ZNF736: variants seen among roughly 807,000 people sequenced by gnomAD.
ZNF736 encodes the protein KRAB-containing zinc-finger repressor protein.
ZNF736 carries 6 observed loss-of-function variants against 11.7 expected under a neutral mutation model. The ratio of observed to expected loss-of-function variants is 0.51; its 90% CI spans 0.28 to 1.01. The LOEUF is 1.01. Among genes scored for constraint, ZNF736 ranks in the 50% least tolerant of loss-of-function variants. The pLI, the probability that ZNF736 is intolerant of heterozygous loss-of-function variation, is 0.09. For synonymous variants in ZNF736, 139 were observed against 164.7 expected (o/e 0.84, Z 1.19); for missense variants, 444 against 496.0 (o/e 0.90, Z 1.00).
intron 3 of ZNF736, 80 bp downstream of exon 3, chr7:64,337,062 T>G: frequency 8.7e-7 from 1 of 1,153,678 alleles, no homozygotes; most frequent in South Asian, 1.4e-5. Context: ...TAAACATGCT[T>G]CCAGAAGCTC....
Position 64,351,069 on chromosome 7 carries a change from C to G in ZNF736, c.*1922C>G, listed in dbSNP as rs572178440. 6.6e-6 allele frequency: 1 copy of G among 152,478 alleles called. No homozygotes were observed. Among genetic ancestry groups the G allele is most frequent in the Non-Finnish European group, 1.5e-5 (1 of 68,372 alleles). The allele number at this position is 152,478 out of a possible 1,614,324, so 9.4% of individuals were successfully genotyped here. On this transcript the variant is annotated 3_prime_UTR_variant, in exon 4 of 4. Coordinates refer to ENST00000423484, the MANE Select transcript of ZNF736 (RefSeq NM_001170905.3). ...CTGCTGGAGGCTGTGTGCTGTTGCA[C>G]TAAAGGTGGTGTTGGCTTGGGGCAG...
intron 1 of ZNF736, among the ~76,000 whole-genome samples, chr7:64,327,606 TC>T (rs1789100414): frequency 6.6e-6 from 1 of 152,272 alleles, no homozygotes; most frequent in East Asian, 1.9e-4. Flanking sequence ...TGTGGTCTTT[TC>T]TCTCTCCTTT....
At chr7:64,333,080 A>T (rs556219477) in intron 1 of ZNF736, among the ~76,000 whole-genome samples, 8 of 152,360 alleles carry the variant, frequency 5.3e-5, no homozygotes, top group African/African-American at 1.9e-4. Flanking sequence ...AAGTAAAGAC[A>T]GGCATAAGAA....
At chr7:64,314,249 G>A (rs1464710507) in intron 1 of ZNF736, 96 bp downstream of exon 1, 1 of 1,472,440 alleles carries the variant, frequency 6.8e-7, no homozygotes, top group Non-Finnish European at 9.1e-7. Flanking sequence ...CTCGCGGTCT[G>A]CTCTGGAGTC....
At chr7:64,330,061 G>A (rs1789140135) in intron 1 of ZNF736, among the ~76,000 whole-genome samples, 1 of 152,150 alleles carries the variant, frequency 6.6e-6, no homozygotes, top group Non-Finnish European at 1.5e-5. Flanking sequence ...AGTACTGCTA[G>A]GCTACTGCTG....
At chr7:64,335,963 C>T (rs2115928946) in intron 1 of ZNF736, among the ~76,000 whole-genome samples, 1 of 152,298 alleles carries the variant, frequency 6.6e-6, no homozygotes, top group East Asian at 1.9e-4. Context: ...CTATAGACAG[C>T]TTTTCTTGTA....
chr7:64,336,998 T>C lies in ZNF736; in HGVS notation c.226+16T>C. On this transcript the variant is annotated intron_variant, in intron 3 of 3. Coordinates refer to ENST00000423484, the MANE Select transcript of ZNF736 (RefSeq NM_001170905.3). Reference sequence around the variant, plus strand: ...AAACACCCAGGTAGGTGGGAGTGAATGAAGCAGATGACACAAATGACGGAT... The same window carrying C: ...AAACACCCAGGTAGGTGGGAGTGAACGAAGCAGATGACACAAATGACGGAT... 1 of 1,583,352 alleles carries C rather than the reference T, an allele frequency of 6.3e-7. No homozygotes were observed. Among genetic ancestry groups the C allele is most frequent in the Non-Finnish European group, 8.6e-7 (1 of 1,160,836 alleles).
chr7:64,320,227 G>T (rs535248278), intron 1 of ZNF736, among the ~76,000 whole-genome samples: 2 of 152,154 alleles, frequency 1.3e-5, no homozygotes, highest in East Asian at 1.9e-4. Flanking sequence ...CTGCAAGTGG[G>T]TTGCAATCTA....
At chr7:64,322,373 A>G (rs1789014858) in intron 1 of ZNF736, among the ~76,000 whole-genome samples, 1 of 152,172 alleles carries the variant, frequency 6.6e-6, no homozygotes, top group African/African-American at 2.4e-5. Context: ...GTATTTGTCA[A>G]ATCTCTTGAG....
At position 64,348,071 on chromosome 7, in the gene ZNF736, T is replaced by A; in HGVS notation, c.227-19T>A. 1 of 1,470,520 alleles carries A rather than the reference T, an allele frequency of 6.8e-7. No homozygotes were observed. Among genetic ancestry groups the A allele is most frequent in the Non-Finnish European group, 9.0e-7 (1 of 1,115,906 alleles). The allele number at this position is 1,470,520 out of a possible 1,614,324, so 91.1% of individuals were successfully genotyped here. A position where few individuals can be genotyped will look rare whatever the true frequency, so the allele number is the denominator to read the frequency against. The stretch of plus-strand genomic sequence containing the variant: ...TTCACCTGAGTCTAATGAGGGAGAA[T>A]TTTATTTTTTTTCTCCAGCTGGTTC... On this transcript the variant is annotated intron_variant, in intron 3 of 3. Transcript: ENST00000423484.
Position 64,356,089 on chromosome 7 carries a change from GGTTT to G in ZNF736, c.*6946_*6949del, listed in dbSNP as rs1789550268. On this transcript the variant is annotated 3_prime_UTR_variant, in exon 4 of 4. Coordinates refer to ENST00000423484, the MANE Select transcript of ZNF736 (RefSeq NM_001170905.3). Reference sequence around the variant, plus strand: ...ATTTTTTAAAGTAATATAAATAATAGGTTTGTTCTGTATATTTTAATGATCTTTC... The same window carrying G: ...ATTTTTTAAAGTAATATAAATAATAGGTTCTGTATATTTTAATGATCTTTC... The G allele has an allele frequency of 6.5e-6, 1 of 154,102 alleles. No individual in the cohort carries two copies. The highest frequency in any genetic ancestry group is 2.4e-5 in the African/African-American group (1 of 41,570). The allele number at this position is 154,102 out of a possible 1,614,324, so 9.5% of individuals were successfully genotyped here.
chr7:64,343,953 CTT>C (rs142010013), intron 3 of ZNF736, among the ~76,000 whole-genome samples: 32,431 of 147,902 alleles, frequency 0.22, 3,779 homozygotes, highest in Admixed American at 0.25. Flanking sequence ...TGTATATTTG[CTT>C]TTTTTTTTTT....
intron 1 of ZNF736, among the ~76,000 whole-genome samples, chr7:64,321,685 GT>G (rs1372179663): frequency 6.6e-6 from 1 of 152,184 alleles, no homozygotes; most frequent in Non-Finnish European, 1.5e-5. Flanking sequence ...ACTCAACAAT[GT>G]ACTGGGAGCT....
chr7:64,328,678 C>T (rs1156311385), intron 1 of ZNF736, among the ~76,000 whole-genome samples: 1 of 152,042 alleles, frequency 6.6e-6, no homozygotes, highest in Non-Finnish European at 1.5e-5. Context: ...AGGAGAATGG[C>T]GTGAACCCAG....
intron 1 of ZNF736, among the ~76,000 whole-genome samples, chr7:64,314,404 T>A (rs1584262295): frequency 1.3e-5 from 2 of 152,094 alleles, no homozygotes; most frequent in South Asian, 4.1e-4. Context: ...CCTGGGCAGC[T>A]CTGTGCCGCA....
intron 3 of ZNF736, among the ~76,000 whole-genome samples, chr7:64,338,623 C>T (rs1021484080): frequency 1.3e-5 from 2 of 152,006 alleles, no homozygotes; most frequent in African/African-American, 2.4e-5. Flanking sequence ...ATGTTTCACT[C>T]GGCATAACAT....
chr7:64,314,173 G>T lies in ZNF736; in HGVS notation c.3+20G>T. The T allele has an allele frequency of 6.4e-7, 1 of 1,551,876 alleles. No individual in the cohort carries two copies. Among genetic ancestry groups the T allele is most frequent in the Non-Finnish European group, 8.7e-7 (1 of 1,147,174 alleles). On this transcript the variant is annotated intron_variant, in intron 1 of 3. Transcript: ENST00000423484. ...GAAATGGTGAGTGCGTGGAGTGGGT[G>T]TCCCGAGAATGGGGAAGAGGCTGTT...
chr7:64,335,017 C>T (rs573467794), intron 1 of ZNF736, among the ~76,000 whole-genome samples: 3 of 152,092 alleles, frequency 2.0e-5, no homozygotes, highest in Non-Finnish European at 4.4e-5. Flanking sequence ...CCATCATTCT[C>T]AGCAAACTAA....
intron 1 of ZNF736, among the ~76,000 whole-genome samples, chr7:64,326,408 T>C (rs1271916379): frequency 6.6e-6 from 1 of 152,248 alleles, no homozygotes; most frequent in Admixed American, 6.5e-5. Flanking sequence ...CATCTTTCAA[T>C]GCACTTGGCA....
Sources: gnomAD v4.1 joint callset for allele counts (sites outside exome capture counted in the v4.1 genomes callset) on GRCh38, gnomAD v4.1.1 for gene constraint, MANE v1.5 for transcripts, NCBI Gene and HGNC (gene_info 2026-07-23, HGNC 2026-07-21) for gene names.